Variants in NLGN1 observed in about 807,000 individuals in gnomAD.
The protein encoded by NLGN1 is neuroligin 1.
A neutral mutation model predicts 65.5 loss-of-function variants in NLGN1; 12 were observed. The ratio of observed to expected loss-of-function variants is 0.18; its 90% CI spans 0.12 to 0.30. The LOEUF is 0.30. NLGN1 is among the 10% of genes least tolerant of loss of function. The pLI, the probability that NLGN1 is intolerant of heterozygous loss-of-function variation, is 1.00. For synonymous variants in NLGN1, 350 were observed against 359.5 expected (o/e 0.97, Z 0.30); for missense variants, 750 against 1,007.1 (o/e 0.74, Z 3.46).
chr3:173,646,660 C>T (rs1054214431), intron 3 of NLGN1, among the ~76,000 whole-genome samples: 4 of 151,958 alleles, frequency 2.6e-5, no homozygotes, highest in African/African-American at 9.7e-5. Flanking sequence ...ACTATAAACC[C>T]TAAATCAATG....
chr3:173,983,980 T>G (rs761024173), intron 4 of NLGN1, among the ~76,000 whole-genome samples: 3 of 152,198 alleles, frequency 2.0e-5, no homozygotes, highest in African/African-American at 4.8e-5. Flanking sequence ...AAACAAAAAT[T>G]CAGGTGGCTG....
intron 2 of NLGN1, among the ~76,000 whole-genome samples, chr3:173,444,569 T>G (rs1295506757): frequency 6.6e-6 from 1 of 152,156 alleles, no homozygotes; most frequent in African/African-American, 2.4e-5. Context: ...AATATATATA[T>G]TCACTATTTT....
At chr3:173,559,323 G>A (rs536665666) in intron 2 of NLGN1, among the ~76,000 whole-genome samples, 4 of 152,188 alleles carry the variant, frequency 2.6e-5, no homozygotes, top group South Asian at 2.1e-4. Flanking sequence ...CCTACTCTGC[G>A]CTGTCTAAGG....
rs542759322 is a variant in NLGN1 at position 173,478,807 on chromosome 3, A to G, written c.-321+43729A>G. On this transcript the variant is annotated intron_variant, in intron 2 of 6. Coordinates refer to ENST00000457714, the Ensembl canonical transcript of NLGN1. ...GGGCTGAGGCATGAGAATCACTTGA[A>G]CCTGTGAGGCAGAGGTTGCAGTGAG... Among the ~76,000 whole-genome samples, 129 of 151,968 alleles carry G rather than the reference A, an allele frequency of 8.5e-4. 1 individual carries two copies. Among genetic ancestry groups the G allele is most frequent in the Middle Eastern group, 3.4e-3 (1 of 294 alleles).
chr3:174,154,980 T>TAATATAATATATAATTA (rs1561174931), intron 4 of NLGN1, among the ~76,000 whole-genome samples: 1 of 122,270 alleles, frequency 8.2e-6, no homozygotes, highest in Admixed American at 8.6e-5. Context: ...ATATAATATA[T>TAATATAATATATAATTA]TATATTATAT....
chr3:173,493,990 A>T (rs145998401), intron 2 of NLGN1, among the ~76,000 whole-genome samples: 4 of 151,822 alleles, frequency 2.6e-5, no homozygotes. Flanking sequence ...CTTACCAAAA[A>T]TGGTTGATAG....
At chr3:173,749,374 G>A (rs1560293219) in intron 3 of NLGN1, among the ~76,000 whole-genome samples, 1 of 151,956 alleles carries the variant, frequency 6.6e-6, no homozygotes. Flanking sequence ...CTAGGCCTCA[G>A]TTTCCTCATT....
chr3:173,401,368 G>GT (rs199507289), intron 1 of NLGN1, among the ~76,000 whole-genome samples: 69 of 150,248 alleles, frequency 4.6e-4, no homozygotes, highest in East Asian at 3.1e-3. Flanking sequence ...CCCTACCCCT[G>GT]TTTTTTTTTG....
chr3:173,457,376 T>C (rs16826662), intron 2 of NLGN1, among the ~76,000 whole-genome samples: 29,079 of 151,968 alleles, frequency 0.19, 3,022 homozygotes, highest in African/African-American at 0.27. Context: ...GGGGGTGATA[T>C]TCAAAGAGGC....
At chr3:173,691,507 A>T (rs1200891945) in intron 3 of NLGN1, among the ~76,000 whole-genome samples, 1 of 152,118 alleles carries the variant, frequency 6.6e-6, no homozygotes, top group Non-Finnish European at 1.5e-5. Context: ...ACTTTATATT[A>T]TGTTTTTGTG....
At chr3:173,426,145 A>G (rs1716058492) in intron 1 of NLGN1, among the ~76,000 whole-genome samples, 1 of 151,490 alleles carries the variant, frequency 6.6e-6, no homozygotes, top group Non-Finnish European at 1.5e-5. Context: ...GTTGGAATAT[A>G]GAAATACTAC....
intron 2 of NLGN1, among the ~76,000 whole-genome samples, chr3:173,583,606 A>G (rs2149370257): frequency 6.6e-6 from 1 of 152,326 alleles, no homozygotes; most frequent in Non-Finnish European, 1.5e-5. Context: ...TACTAGGCCC[A>G]ATTTGTGTTT....
intron 4 of NLGN1, among the ~76,000 whole-genome samples, chr3:174,231,529 T>G (rs13071351): frequency 0.31 from 47,043 of 152,082 alleles, 8,026 homozygotes; most frequent in East Asian, 0.52. Flanking sequence ...GTCTGACTAT[T>G]AAGCTAGGGT....
intron 4 of NLGN1, among the ~76,000 whole-genome samples, chr3:173,938,386 C>T (rs929791019): frequency 2.0e-5 from 3 of 151,924 alleles, no homozygotes; most frequent in Admixed American, 2.0e-4. Flanking sequence ...AGTACTGAAG[C>T]ATTTATTTGC....
At chr3:174,210,260 TTTAC>T (rs1228809306) in intron 4 of NLGN1, among the ~76,000 whole-genome samples, 1 of 152,212 alleles carries the variant, frequency 6.6e-6, no homozygotes, top group African/African-American at 2.4e-5. Flanking sequence ...ATTTACCACA[TTTAC>T]TTTCTTATTT....
chr3:173,641,377 G>A (rs538806871), intron 3 of NLGN1, among the ~76,000 whole-genome samples: 3 of 152,202 alleles, frequency 2.0e-5, no homozygotes, highest in South Asian at 4.1e-4. Flanking sequence ...GAAGTGGCAC[G>A]ATCTCGGCTC....
At chr3:173,424,403 TC>T (rs1200325070) in intron 1 of NLGN1, among the ~76,000 whole-genome samples, 1 of 152,224 alleles carries the variant, frequency 6.6e-6, no homozygotes, top group Non-Finnish European at 1.5e-5. Context: ...GTTTTTCTTT[TC>T]TACCACATGG....
At chr3:173,702,200 C>T (rs1285822996) in intron 3 of NLGN1, among the ~76,000 whole-genome samples, 1 of 146,878 alleles carries the variant, frequency 6.8e-6, no homozygotes, top group African/African-American at 2.5e-5. Flanking sequence ...GATCCCGCCA[C>T]TGCACTCCAG....
chr3:173,998,287 A>G (rs1189883691), intron 4 of NLGN1, among the ~76,000 whole-genome samples: 1 of 152,092 alleles, frequency 6.6e-6, no homozygotes, highest in East Asian at 1.9e-4. Flanking sequence ...TGGGAATCAG[A>G]ACATCCTACT....
Sources: gnomAD v4.1 joint callset for allele counts (sites outside exome capture counted in the v4.1 genomes callset) on GRCh38, gnomAD v4.1.1 for gene constraint, MANE v1.5 for transcripts, NCBI Gene and HGNC (gene_info 2026-07-23, HGNC 2026-07-21) for gene names.